KLHL29: variants seen among roughly 807,000 people sequenced by gnomAD.
KLHL29 encodes kelch-like protein 29.
In KLHL29, 21 loss-of-function variants were observed where a neutral mutation model predicts 80.4. The ratio of observed to expected loss-of-function variants is 0.26; its 90% CI spans 0.19 to 0.38. The LOEUF is 0.38. Among genes scored for constraint, KLHL29 ranks in the 10% least tolerant of loss-of-function variants. The pLI is 1.00. For synonymous variants in KLHL29, 511 were observed against 526.8 expected (o/e 0.97, Z 0.41); for missense variants, 867 against 1,223.9 (o/e 0.71, Z 4.35).
chr2:23,418,505 C>T (rs1183570161), intron 1 of KLHL29, among the ~76,000 whole-genome samples: 1 of 152,222 alleles, frequency 6.6e-6, no homozygotes, highest in Non-Finnish European at 1.5e-5. Context: ...TGATTTAGTG[C>T]CCTGGCATTT....
intron 6 of KLHL29, among the ~76,000 whole-genome samples, chr2:23,687,720 G>C (rs1211120346): frequency 6.6e-6 from 1 of 152,170 alleles, no homozygotes; most frequent in Non-Finnish European, 1.5e-5. Flanking sequence ...GGCATTGTCC[G>C]GGCAGACAAG....
rs546948913 is a variant in KLHL29 at position 23,662,490 on chromosome 2, T to G, written c.940+19640T>G. Among the ~76,000 whole-genome samples the G allele has an allele frequency of 3.9e-5, 6 of 152,282 alleles. No individual in the cohort carries two copies. In the South Asian group the frequency reaches 1.2e-3, roughly 32 times the overall value. On this transcript the variant is annotated intron_variant, in intron 5 of 13. Coordinates refer to ENST00000486442, the MANE Select transcript of KLHL29 (RefSeq NM_052920.2). ...TTGGCCATGCGAGGCCTTGACAGTT[T>G]CTAGGACTGCAGCTTCTGCTCTCTG...
At chr2:23,561,750 G>A (rs748359723) in intron 2 of KLHL29, among the ~76,000 whole-genome samples, 10 of 152,122 alleles carry the variant, frequency 6.6e-5, no homozygotes, top group Admixed American at 1.3e-4. Flanking sequence ...GTGGGTGGCC[G>A]CATCCTATCA....
chr2:23,659,081 C>G (rs894872679), intron 5 of KLHL29, among the ~76,000 whole-genome samples: 4 of 152,206 alleles, frequency 2.6e-5, no homozygotes, highest in African/African-American at 9.7e-5. Flanking sequence ...CCGCTGCTGA[C>G]CGATTTAGCA....
At chr2:23,656,099 C>T (rs979450549) in intron 5 of KLHL29, among the ~76,000 whole-genome samples, 3 of 152,240 alleles carry the variant, frequency 2.0e-5, no homozygotes, top group Non-Finnish European at 4.4e-5. Flanking sequence ...AAGGGACCAT[C>T]TGTCCCTCTT....
chr2:23,592,012 C>T (rs566801972), intron 3 of KLHL29, among the ~76,000 whole-genome samples: 6 of 152,336 alleles, frequency 3.9e-5, no homozygotes, highest in South Asian at 2.1e-4. Context: ...AGGCATCTGC[C>T]GTGACTTGGA....
At chr2:23,492,212 T>C (rs939081766) in intron 2 of KLHL29, among the ~76,000 whole-genome samples, 5 of 152,182 alleles carry the variant, frequency 3.3e-5, no homozygotes, top group Non-Finnish European at 7.3e-5. Flanking sequence ...TTCCACATGG[T>C]CTCCTCCACC....
chr2:23,506,045 G>T (rs557269921), intron 2 of KLHL29, among the ~76,000 whole-genome samples: 60 of 152,320 alleles, frequency 3.9e-4, no homozygotes, highest in Non-Finnish European at 7.5e-4. Context: ...CTGGGGAACG[G>T]CTTCATTACC....
chr2:23,654,763 T>G (rs751508497), intron 5 of KLHL29, among the ~76,000 whole-genome samples: 16 of 151,350 alleles, frequency 1.1e-4, no homozygotes, highest in Non-Finnish European at 2.2e-4. Flanking sequence ...CACCCCGTAT[T>G]TATGTATTCC....
At chr2:23,412,879 T>G (rs1666900031) in intron 1 of KLHL29, among the ~76,000 whole-genome samples, 1 of 152,174 alleles carries the variant, frequency 6.6e-6, no homozygotes, top group Non-Finnish European at 1.5e-5. Flanking sequence ...GCAGGCATCC[T>G]TCTCCCTCTG....
At chr2:23,520,512 G>A (rs932021345) in intron 2 of KLHL29, among the ~76,000 whole-genome samples, 5 of 152,202 alleles carry the variant, frequency 3.3e-5, no homozygotes, top group Admixed American at 3.3e-4. Flanking sequence ...GGGACCTACT[G>A]GAATTTCCCT....
intron 3 of KLHL29, among the ~76,000 whole-genome samples, chr2:23,576,304 CAAA>C (rs3086869): frequency 0.12 from 15,630 of 130,932 alleles, 1,644 homozygotes; most frequent in African/African-American, 0.29. Flanking sequence ...GACTCTATCT[CAAA>C]AAAAAAAAAA....
chr2:23,409,904 T>G (rs1417899365), intron 1 of KLHL29, among the ~76,000 whole-genome samples: 2 of 152,160 alleles, frequency 1.3e-5, no homozygotes, highest in Non-Finnish European at 2.9e-5. Context: ...AAAGAAATGA[T>G]AAGCTTAGCA....
intron 12 of KLHL29, 73 bp from the exon 13 acceptor site, chr2:23,703,646 T>A (rs1396687235): frequency 6.9e-7 from 1 of 1,448,946 alleles, no homozygotes; most frequent in Non-Finnish European, 9.1e-7. Context: ...CCCTGGAGGG[T>A]CTTCTGGGAA....
intron 3 of KLHL29, among the ~76,000 whole-genome samples, chr2:23,583,291 C>G (rs1289605617): frequency 1.3e-5 from 2 of 152,212 alleles, no homozygotes; most frequent in African/African-American, 4.8e-5. Flanking sequence ...GCATCTCCTT[C>G]AAGAAGGTCC....
At chr2:23,477,859 CAG>C (rs1488006029) in intron 2 of KLHL29, among the ~76,000 whole-genome samples, 2 of 152,224 alleles carry the variant, frequency 1.3e-5, no homozygotes, top group African/African-American at 4.8e-5. Context: ...GTGAAGGGAA[CAG>C]AGACACCCCA....
chr2:23,454,367 CTTAG>C (rs1002830227), intron 1 of KLHL29, among the ~76,000 whole-genome samples: 14 of 152,066 alleles, frequency 9.2e-5, no homozygotes, highest in Non-Finnish European at 1.3e-4. Context: ...GTAGGATGAG[CTTAG>C]TTAAAGATTA....
Position 23,684,611 on chromosome 2 carries a change from C to T in KLHL29, c.1079+74C>T. 1 of 1,355,490 alleles carries T rather than the reference C, an allele frequency of 7.4e-7. No homozygotes were observed. The highest frequency in any genetic ancestry group is 9.9e-7 in the Non-Finnish European group (1 of 1,012,362). The allele number at this position is 1,355,490 out of a possible 1,614,324, so 84.0% of individuals were successfully genotyped here. A position where few individuals can be genotyped will look rare whatever the true frequency, so the allele number is the denominator to read the frequency against. On this transcript the variant is annotated intron_variant, in intron 6 of 13. Transcript: ENST00000486442. This position sits in a 1 kb window ranked among gnomAD's most constrained non-coding sequence, Gnocchi z 4.4. The stretch of plus-strand genomic sequence containing the variant: ...TTTTGTGTCGCTTTTCTCTTCCCCT[C>T]TCTTGCAGGTTCCTGAAGCGTGACT...
chr2:23,619,055 G>A (rs1325463144), intron 3 of KLHL29, among the ~76,000 whole-genome samples: 1 of 152,234 alleles, frequency 6.6e-6, no homozygotes, highest in Non-Finnish European at 1.5e-5. Context: ...AGGCCTGGCA[G>A]CCACAGGCCC....
Sources: allele counts gnomAD v4.1 joint callset (sites outside exome capture counted in the v4.1 genomes callset), GRCh38; gene constraint gnomAD v4.1.1; non-coding constraint Gnocchi (gnomAD v3.1); transcripts MANE v1.5; gene names NCBI Gene and HGNC (gene_info 2026-07-23, HGNC 2026-07-21).